TPRX1: variants seen among roughly 807,000 people sequenced by gnomAD.
TPRX1 encodes the protein tetra-peptide repeat homeobox protein 1.
TPRX1 carries 2 observed loss-of-function variants against 8.1 expected under a neutral mutation model. That is an observed-to-expected ratio of 0.25 (90% CI 0.10 to 0.78). The LOEUF (loss-of-function observed/expected upper bound fraction) is 0.78, where lower values mean the gene tolerates loss of function less well. Ranked by LOEUF, TPRX1 falls within the 30% of genes least tolerant of loss-of-function variation. The pLI is 0.70. For missense variants in TPRX1, 517 were observed against 586.9 expected (o/e 0.88, Z 1.23); for synonymous variants, 257 against 254.1 (o/e 1.01, Z -0.11).
chr19:47,817,792 A>T (rs1967857505), intron 2 of TPRX1, among the ~76,000 whole-genome samples: 1 of 152,200 alleles, frequency 6.6e-6, no homozygotes, highest in African/African-American at 2.4e-5. Flanking sequence ...ACGCAGTGAG[A>T]AAACAACAGG....
At chr19:47,803,748 A>C (rs2547246) in intron 2 of TPRX1, 75 bp from the exon 2 acceptor site, 2 of 677,510 alleles carry the variant, frequency 3.0e-6, no homozygotes, top group Non-Finnish European at 4.6e-6. Flanking sequence ...CGTCCCCTGC[A>C]CCAGGCCAGG....
exon 4 of TPRX1, chr19:47,802,274 G>A (rs760916247): frequency 1.2e-5 from 19 of 1,552,966 alleles, no homozygotes; most frequent in South Asian, 5.8e-5. Flanking sequence ...GCCTGGGTTC[G>A]GGCCTGAGAT....
Position 47,807,008 on chromosome 19 carries a change from G to A in TPRX1, c.152-3335C>T, listed in dbSNP as rs552174572. ...CAACCTCCATCTCCCGGGTTCAAGT[G>A]ATACTCCTGCCTCAGTCGCCCAAGT... is the stretch of plus-strand genomic sequence containing the variant. On this transcript the variant is annotated intron_variant, in intron 2 of 3. Transcript: ENST00000535759. 2.6e-5 allele frequency among the ~76,000 whole-genome samples: 4 copies of A among 151,998 alleles called. No individual in the cohort carries two copies. The South Asian group carries it at 8.3e-4, about 32-fold the overall frequency.
intron 2 of TPRX1, among the ~76,000 whole-genome samples, chr19:47,805,381 T>C (rs894553593): frequency 6.6e-6 from 1 of 152,132 alleles, no homozygotes; most frequent in African/African-American, 2.4e-5. Flanking sequence ...TGGTCTGCCC[T>C]TGTGAGTGAA....
In TPRX1 at chr19:47,815,160, A is replaced by AT. The variant is rs1429105708; in HGVS notation, c.151+3307dup. Among the ~76,000 whole-genome samples the AT allele has an allele frequency of 7.5e-3, 632 of 84,436 alleles. 25 individuals carry two copies. Among genetic ancestry groups the AT allele is most frequent in the African/African-American group, 0.029 (567 of 19,572 alleles). 55.4% of individuals were successfully genotyped at this position (84,436 alleles called of 152,430 possible). ...TATATATATGCAAATATATATATAT[A>AT]TATTTTTTTTTTTTGAGACAGTCTT... On this transcript the variant is annotated intron_variant, in intron 2 of 3. Transcript: ENST00000535759.
exon 4 of TPRX1, chr19:47,801,859 T>C: frequency 6.2e-7 from 1 of 1,614,138 alleles, no homozygotes; most frequent in South Asian, 1.1e-5. Context: ...CTGAGTGTTT[T>C]TTGCCCATAG....
chr19:47,801,669 G>A, exon 4 of TPRX1: 1 of 1,328,030 alleles, frequency 7.5e-7, no homozygotes, highest in African/African-American at 1.5e-5. Context: ...TCCACCTGCA[G>A]CAGGGTGGGT....
At chr19:47,812,622 C>T (rs1245305704) in intron 2 of TPRX1, among the ~76,000 whole-genome samples, 5 of 152,038 alleles carry the variant, frequency 3.3e-5, no homozygotes, top group Admixed American at 2.6e-4. Context: ...GTAGTCCCAG[C>T]TACTTGGGAG....
At chr19:47,810,730 C>G (rs1967775263) in intron 2 of TPRX1, among the ~76,000 whole-genome samples, 1 of 152,016 alleles carries the variant, frequency 6.6e-6, no homozygotes. Context: ...TTGCTCCTGC[C>G]CCCAAGAGGC....
At position 47,809,003 on chromosome 19, in the gene TPRX1, GT is replaced by G. The variant is rs139826743; in HGVS notation, c.152-5331del. On this transcript the variant is annotated intron_variant, in intron 2 of 3. Transcript: ENST00000535759. ...AATGATGATCTTTAATGTATTTGTT[GT>G]TTTGTTTGCCTGGTGGATGTCTGCT... 7.9e-3 allele frequency among the ~76,000 whole-genome samples: 1,206 copies of G among 152,248 alleles called. 17 individuals are homozygous for G. The highest frequency in any genetic ancestry group is 0.027 in the African/African-American group (1,125 of 41,560).
chr19:47,815,447 C>CCAGCCCACTGTGAGCTTT (rs1568617524), intron 2 of TPRX1, among the ~76,000 whole-genome samples: 1 of 149,356 alleles, frequency 6.7e-6, no homozygotes, highest in African/African-American at 2.4e-5. Flanking sequence ...GCCACCGCAC[C>CCAGCCCACTGTGAGCTTT]TGGCTCAAAG....
intron 2 of TPRX1, among the ~76,000 whole-genome samples, chr19:47,811,566 T>G (rs1483610770): frequency 6.7e-6 from 1 of 149,570 alleles, no homozygotes; most frequent in Admixed American, 6.8e-5. Flanking sequence ...TGGCGCGATC[T>G]CGGCTCACTG....
Position 47,815,115 on chromosome 19 carries a change from T to TATATATATATATATATATATGCAA in TPRX1, c.151+3352_151+3353insTTGCATATATATATATATATATAT, listed in dbSNP as rs1967820133. Among the ~76,000 whole-genome samples, 3 of 7,404 alleles carry TATATATATATATATATATATGCAA rather than the reference T, an allele frequency of 4.1e-4. No homozygotes were observed. In the East Asian group the frequency reaches 0.013, roughly 31 times the overall value. The allele number at this position is 7,404 out of a possible 152,430, so 4.9% of individuals were successfully genotyped here. On this transcript the variant is annotated intron_variant, in intron 2 of 3. Coordinates refer to ENST00000535759, the Ensembl canonical transcript of TPRX1. ...TGCTTAGCTCAATAAATAGATAAAT[T>TATATATATATATATATATATGCAA]ATATATATATATATATATATATATA...
At chr19:47,816,725 G>C (rs371104513) in intron 2 of TPRX1, among the ~76,000 whole-genome samples, 1 of 151,142 alleles carries the variant, frequency 6.6e-6, no homozygotes, top group African/African-American at 2.4e-5. Flanking sequence ...GTAGAGATGG[G>C]GTTTCACCAT....
chr19:47,801,975 C>T (rs867023669), exon 4 of TPRX1: 13 of 1,613,908 alleles, frequency 8.1e-6, no homozygotes, highest in Non-Finnish European at 1.1e-5. Context: ...AACTGGGTGT[C>T]TGGCAAGAAG....
At chr19:47,802,624 G>A in exon 4 of TPRX1, 3 of 1,551,724 alleles carry the variant, frequency 1.9e-6, no homozygotes, top group Non-Finnish European at 2.6e-6. Flanking sequence ...CTGGGATCGG[G>A]CTTGGGATCT....
At chr19:47,809,450 T>C (rs186005789) in intron 2 of TPRX1, among the ~76,000 whole-genome samples, 1 of 152,036 alleles carries the variant, frequency 6.6e-6, no homozygotes, top group Non-Finnish European at 1.5e-5. Context: ...ATCTGGCTAA[T>C]TTTTGTATTT....
chr19:47,803,017 A>G (rs759992200), intron 3 of TPRX1, 37 bp from the exon 3 acceptor site: 1 of 1,519,996 alleles, frequency 6.6e-7, no homozygotes, highest in East Asian at 2.4e-5. Context: ...GGTGTGAAGG[A>G]GGGGCTCGCG....
chr19:47,803,435 G>T (rs1048908720), intron 3 of TPRX1, 69 bp downstream of exon 2: 66 of 862,016 alleles, frequency 7.7e-5, no homozygotes, highest in Non-Finnish European at 1.2e-4. Flanking sequence ...GCCAGGCCCC[G>T]GTGAGTGACA....
Sources: allele counts gnomAD v4.1 joint callset (sites outside exome capture counted in the v4.1 genomes callset), GRCh38; gene constraint gnomAD v4.1.1; transcripts MANE v1.5; gene names NCBI Gene and HGNC (gene_info 2026-07-23, HGNC 2026-07-21).